Variants in GATAD2B observed in about 807,000 individuals in gnomAD.
GATAD2B encodes the protein transcriptional repressor p66-beta.
Under a neutral mutation model 64.3 loss-of-function variants are expected in GATAD2B, and 8 were observed. The ratio of observed to expected loss-of-function variants is 0.12; its 90% CI spans 0.07 to 0.22. The LOEUF is 0.22. GATAD2B is among the 10% of genes least tolerant of loss of function. The pLI is 1.00. For synonymous variants in GATAD2B, 281 were observed against 271.3 expected, an observed-to-expected ratio of 1.04 and a Z score of -0.35; for missense variants, 453 against 752.0, an observed-to-expected ratio of 0.60 and a Z score of 4.65.
chr1:153,848,353 T>C (rs1280511858), intron 1 of GATAD2B, among the ~76,000 whole-genome samples: 1 of 152,236 alleles, frequency 6.6e-6, no homozygotes, highest in African/African-American at 2.4e-5. Context: ...AATAATTATT[T>C]ACCAATCCTT....
chr1:153,918,722 G>A (rs2101974164), intron 1 of GATAD2B, among the ~76,000 whole-genome samples: 1 of 152,272 alleles, frequency 6.6e-6, no homozygotes, highest in East Asian at 1.9e-4. Context: ...GGAGGCTGAG[G>A]TGGGCAGATC....
chr1:153,914,512 T>C (rs1184079745), intron 1 of GATAD2B, among the ~76,000 whole-genome samples: 2 of 152,172 alleles, frequency 1.3e-5, no homozygotes, highest in African/African-American at 4.8e-5. Flanking sequence ...TCCCAGAACA[T>C]AACAGAAGGG....
In GATAD2B at chr1:153,893,735, G is replaced by C. The variant is rs1038647690; in HGVS notation, c.-2+28998C>G. Among the ~76,000 whole-genome samples, 3 of 151,936 alleles carry C rather than the reference G, an allele frequency of 2.0e-5. No individual in the cohort carries two copies. In the East Asian group the frequency reaches 5.8e-4, roughly 30 times the overall value. ...CAGCACTTTGGAGGCCAAGGTGGGT[G>C]GATCACAGGGTCAGGAGTTCGAGAA... On this transcript the variant is annotated intron_variant, in intron 1 of 10. Transcript: ENST00000368655.
intron 1 of GATAD2B, among the ~76,000 whole-genome samples, chr1:153,896,240 T>C (rs1223174063): frequency 1.3e-5 from 2 of 152,006 alleles, no homozygotes; most frequent in African/African-American, 4.8e-5. Context: ...AGATGAGGCA[T>C]AAAACAGATC....
rs1234352126 is a variant in GATAD2B at position 153,834,393 on chromosome 1, TTTTC to T, written c.-1-6049_-1-6046del. Among the ~76,000 whole-genome samples, 22 of 152,034 alleles carry T rather than the reference TTTTC, an allele frequency of 1.4e-4. No individual in the cohort carries two copies. The South Asian group carries it at 3.3e-3, about 23-fold the overall frequency. ...GGAAGTAAAACTATTAACATTTTTC[TTTTC>T]TTTTTCTTTTTTTTAAGACGGAGTT... On this transcript the variant is annotated intron_variant, in intron 1 of 10. Transcript: ENST00000368655.
At chr1:153,873,805 T>C (rs1474954437) in intron 1 of GATAD2B, among the ~76,000 whole-genome samples, 23 of 152,224 alleles carry the variant, frequency 1.5e-4, no homozygotes, top group Admixed American at 1.5e-3. Flanking sequence ...GCAATTTAGC[T>C]GGGTGCAAAG....
chr1:153,913,669 A>G (rs1678169320), intron 1 of GATAD2B, among the ~76,000 whole-genome samples: 1 of 152,206 alleles, frequency 6.6e-6, no homozygotes, highest in African/African-American at 2.4e-5. Flanking sequence ...CTGTAATCTC[A>G]GCACTTTGGG....
chr1:153,911,508 G>A (rs2101968709), intron 1 of GATAD2B, among the ~76,000 whole-genome samples: 1 of 152,290 alleles, frequency 6.6e-6, no homozygotes, highest in East Asian at 1.9e-4. Flanking sequence ...GCCGAGGCGG[G>A]TGGATCGCCT....
chr1:153,854,290 C>G (rs919836109), intron 1 of GATAD2B, among the ~76,000 whole-genome samples: 1 of 152,106 alleles, frequency 6.6e-6, no homozygotes, highest in Non-Finnish European at 1.5e-5. Flanking sequence ...GTAGTCCCAG[C>G]TACTCGGGAG....
At chr1:153,852,618 C>T in intron 1 of GATAD2B, 1 of 796,448 alleles carries the variant, frequency 1.3e-6, no homozygotes, top group East Asian at 2.4e-5. Context: ...CACACTCTTC[C>T]TGGCAAATTC....
In GATAD2B at chr1:153,888,783, G is replaced by T. The variant is rs562403858; in HGVS notation, c.-2+33950C>A. Among the ~76,000 whole-genome samples the T allele has an allele frequency of 3.9e-5, 6 of 152,158 alleles. No homozygotes were observed. In the South Asian group the frequency reaches 1.0e-3, roughly 26 times the overall value. On this transcript the variant is annotated intron_variant, in intron 1 of 10. Coordinates refer to ENST00000368655, the MANE Select transcript of GATAD2B (RefSeq NM_020699.4). ...ATCTAAGTGTCTCTTCCTCTCTAGC[G>T]TTCCAAGAGTAGAAATCCCAGCTTA...
At chr1:153,815,776 G>A (rs994630958) in intron 7 of GATAD2B, among the ~76,000 whole-genome samples, 2 of 152,318 alleles carry the variant, frequency 1.3e-5, no homozygotes, top group South Asian at 2.1e-4. Context: ...CGGCTGACGG[G>A]GTACAGTGGC....
At chr1:153,815,051 C>T (rs1674406500) in intron 7 of GATAD2B, among the ~76,000 whole-genome samples, 1 of 123,664 alleles carries the variant, frequency 8.1e-6, no homozygotes, top group Non-Finnish European at 1.6e-5. Context: ...CACTGTACTC[C>T]AGCCTGGGTG....
chr1:153,919,266 A>T (rs1207691841), intron 1 of GATAD2B, among the ~76,000 whole-genome samples: 3 of 152,214 alleles, frequency 2.0e-5, no homozygotes, highest in Non-Finnish European at 4.4e-5. Flanking sequence ...TAAATGGCAA[A>T]GGTAAGGGGG....
chr1:153,855,972 C>T (rs1274061504), intron 1 of GATAD2B, among the ~76,000 whole-genome samples: 3 of 152,148 alleles, frequency 2.0e-5, no homozygotes, highest in East Asian at 3.9e-4. Context: ...CATGAGTCAC[C>T]GTGCCCAGTC....
chr1:153,815,395 T>A (rs574445392), intron 7 of GATAD2B, among the ~76,000 whole-genome samples: 13 of 151,390 alleles, frequency 8.6e-5, no homozygotes, highest in Admixed American at 2.0e-4. Flanking sequence ...CAGTCCTCAA[T>A]GTTGTTGACA....
chr1:153,827,969 T>A (rs1453188675), intron 2 of GATAD2B, 44 bp downstream of exon 2: 1 of 1,433,018 alleles, frequency 7.0e-7, no homozygotes. Context: ...TCACAGGCTT[T>A]ATGAGACGAC....
intron 1 of GATAD2B, among the ~76,000 whole-genome samples, chr1:153,854,614 T>C (rs1321029252): frequency 6.6e-6 from 1 of 152,228 alleles, no homozygotes; most frequent in Non-Finnish European, 1.5e-5. Flanking sequence ...AAATAGTTGT[T>C]ACATTTCATC....
intron 1 of GATAD2B, among the ~76,000 whole-genome samples, chr1:153,840,329 C>T (rs1675435533): frequency 2.1e-5 from 3 of 145,536 alleles, no homozygotes; most frequent in African/African-American, 7.6e-5. Context: ...GCCACTGCGC[C>T]CTGCTGAAAA....
Sources: allele counts gnomAD v4.1 joint callset (sites outside exome capture counted in the v4.1 genomes callset), GRCh38; gene constraint gnomAD v4.1.1; transcripts MANE v1.5; gene names NCBI Gene and HGNC (gene_info 2026-07-23, HGNC 2026-07-21).